Variants in ZZZ3 observed in about 807,000 individuals in gnomAD.
ZZZ3 encodes the protein zinc finger ZZ-type containing 3.
Under a neutral mutation model 95.2 loss-of-function variants are expected in ZZZ3, and 22 were observed. The ratio of observed to expected loss-of-function variants is 0.23; its 90% CI spans 0.17 to 0.33. The LOEUF (loss-of-function observed/expected upper bound fraction) is 0.33. Ranked by LOEUF, ZZZ3 falls within the 10% of genes least tolerant of loss-of-function variation. ZZZ3 has a pLI of 1.00. For synonymous variants in ZZZ3, 335 were observed against 358.9 expected (o/e 0.93, Z 0.75); for missense variants, 885 against 1,066.5 (o/e 0.83, Z 2.37).
At chr1:77,672,240 G>C (rs771981956) in intron 1 of ZZZ3, among the ~76,000 whole-genome samples, 1 of 152,154 alleles carries the variant, frequency 6.6e-6, no homozygotes, top group African/African-American at 2.4e-5. Context: ...TTCCCTGATA[G>C]GTGCCAGGGA....
intron 4 of ZZZ3, among the ~76,000 whole-genome samples, chr1:77,634,603 C>T (rs1307738752): frequency 1.3e-5 from 2 of 152,170 alleles, no homozygotes; most frequent in African/African-American, 4.8e-5. Flanking sequence ...CTCCTGTAAT[C>T]CCACCCTTTC....
chr1:77,640,720 C>T (rs1011257554), intron 3 of ZZZ3, among the ~76,000 whole-genome samples: 4 of 151,866 alleles, frequency 2.6e-5, no homozygotes, highest in African/African-American at 9.7e-5. Flanking sequence ...CAGAAACTGT[C>T]GCTTTATTAT....
At chr1:77,579,203 G>GGCAATGAAACACTAAGGCAAT (rs1662261917) in intron 10 of ZZZ3, among the ~76,000 whole-genome samples, 1 of 151,966 alleles carries the variant, frequency 6.6e-6, no homozygotes, top group Non-Finnish European at 1.5e-5. Flanking sequence ...AAGACAACCA[G>GGCAATGAAACACTAAGGCAAT]GAAACACTAA....
intron 5 of ZZZ3, among the ~76,000 whole-genome samples, chr1:77,612,022 A>C (rs999576777): frequency 1.1e-4 from 16 of 152,196 alleles, no homozygotes; most frequent in African/African-American, 3.9e-4. Flanking sequence ...ACAAACAACA[A>C]AATAAAAAGG....
At position 77,642,612 on chromosome 1, in the gene ZZZ3, C is replaced by T. The variant is rs1423811320; in HGVS notation, c.-402-957G>A. The stretch of plus-strand genomic sequence containing the variant: ...CAAAAAAAAAAAAAATGAAAATTAG[C>T]CAGACGTGGTTGTGTGTGTCTGTAG... On this transcript the variant is annotated intron_variant, in intron 1 of 14. Transcript: ENST00000370801. Among the ~76,000 whole-genome samples the T allele has an allele frequency of 2.6e-5, 4 of 151,900 alleles. No homozygotes were observed. The East Asian group carries it at 5.8e-4, about 22-fold the overall frequency.
chr1:77,594,030 G>T (rs1663975740), intron 5 of ZZZ3, among the ~76,000 whole-genome samples: 1 of 152,108 alleles, frequency 6.6e-6, no homozygotes, highest in East Asian at 1.9e-4. Flanking sequence ...TTTCTGAGTT[G>T]TAAATGGATT....
At chr1:77,600,908 G>C (rs1664669659) in intron 5 of ZZZ3, among the ~76,000 whole-genome samples, 1 of 152,200 alleles carries the variant, frequency 6.6e-6, no homozygotes, top group Non-Finnish European at 1.5e-5. Context: ...ACTCAGACTA[G>C]ACTGAGTTTT....
At chr1:77,583,997 A>T (rs1200880667) in intron 6 of ZZZ3, among the ~76,000 whole-genome samples, 1 of 152,224 alleles carries the variant, frequency 6.6e-6, no homozygotes, top group Non-Finnish European at 1.5e-5. Flanking sequence ...AAAGCATTTT[A>T]AAATTAAGTA....
chr1:77,644,386 A>G (rs1386948601), intron 1 of ZZZ3, among the ~76,000 whole-genome samples: 1 of 152,236 alleles, frequency 6.6e-6, no homozygotes, highest in African/African-American at 2.4e-5. Context: ...TTCCTAGACA[A>G]TTAAGCTTTC....
At chr1:77,570,337 T>A (rs1661254835) in intron 12 of ZZZ3, among the ~76,000 whole-genome samples, 1 of 152,170 alleles carries the variant, frequency 6.6e-6, no homozygotes, top group South Asian at 2.1e-4. Context: ...TCTCCTGACC[T>A]CGTGATCTGC....
chr1:77,658,281 A>C (rs947164210), intron 1 of ZZZ3, among the ~76,000 whole-genome samples: 8 of 151,766 alleles, frequency 5.3e-5, no homozygotes, highest in African/African-American at 1.9e-4. Context: ...ACACACACTT[A>C]ATTTGGCATC....
chr1:77,604,832 C>T (rs1360504105), intron 5 of ZZZ3, among the ~76,000 whole-genome samples: 1 of 152,080 alleles, frequency 6.6e-6, no homozygotes, highest in African/African-American at 2.4e-5. Context: ...TAAAAGAATG[C>T]TTGTCATTGT....
Position 77,564,246 on chromosome 1 carries a change from T to C in ZZZ3, c.*1394A>G, listed in dbSNP as rs1407273317. 1.3e-5 allele frequency: 2 copies of C among 152,150 alleles called. No individual in the cohort carries two copies. The highest frequency in any genetic ancestry group is 2.9e-5 in the Non-Finnish European group (2 of 67,994). The allele number at this position is 152,150 out of a possible 1,614,324, so 9.4% of individuals were successfully genotyped here. A position where few individuals can be genotyped will look rare whatever the true frequency, so the allele number is the denominator to read the frequency against. ...TAATAATTGCCTTTTTCTTTAACCATGGTCCGTGTTTCCTTTTTGTAAGCT... is the reference window on the plus strand; with the variant it reads ...TAATAATTGCCTTTTTCTTTAACCACGGTCCGTGTTTCCTTTTTGTAAGCT... On this transcript the variant is annotated 3_prime_UTR_variant, in exon 15 of 15. Transcript: ENST00000370801.
chr1:77,623,950 C>T (rs1196589610), intron 5 of ZZZ3, among the ~76,000 whole-genome samples: 1 of 152,086 alleles, frequency 6.6e-6, no homozygotes, highest in African/African-American at 2.4e-5. Flanking sequence ...AGAAGTAGAT[C>T]ACAACACAGA....
intron 5 of ZZZ3, among the ~76,000 whole-genome samples, chr1:77,630,286 C>T (rs1344001261): frequency 2.6e-5 from 4 of 151,936 alleles, no homozygotes; most frequent in African/African-American, 9.7e-5. Context: ...CGAGCCTGGG[C>T]ACCATGGTGA....
chr1:77,643,425 G>A (rs1668963647), intron 1 of ZZZ3, among the ~76,000 whole-genome samples: 1 of 152,084 alleles, frequency 6.6e-6, no homozygotes, highest in South Asian at 2.1e-4. Context: ...TTTAACTACA[G>A]TTACTTACTT....
chr1:77,645,826 C>T (rs1187920609), intron 1 of ZZZ3, among the ~76,000 whole-genome samples: 1 of 151,774 alleles, frequency 6.6e-6, no homozygotes, highest in Non-Finnish European at 1.5e-5. Context: ...CAAAATTAGC[C>T]AGGTGTGGTG....
chr1:77,581,057 G>A lies in ZZZ3; in HGVS notation c.1921C>T (p.Arg641Cys), dbSNP rs1408475948. ...TCAGGTTTGGTATCATCACACAAGC[G>A]TCCTCTTATCATCTGCACATAAGAC... is the stretch of plus-strand genomic sequence containing the variant. ...SSSRPQMIRG[R>C]LCDDTKPETF... The change falls in exon 9 of 15, where the codon CGC (arginine) becomes TGC (cysteine). Residue 641 changes from arginine (R) to cysteine (C), a missense_variant. Arg to Cys is a radical substitution (Grantham distance 180, BLOSUM62 -3). Around this residue, in one of 5 missense-constraint regions of ZZZ3, gnomAD observed 99 missense variants for 119.8 expected, o/e 0.83. Coordinates refer to ENST00000370801, the MANE Select transcript of ZZZ3 (RefSeq NM_015534.6). 5 of 1,613,920 alleles carry A rather than the reference G, an allele frequency of 3.1e-6. No individual in the cohort carries two copies. The highest frequency in any genetic ancestry group is 2.2e-5 in the East Asian group (1 of 44,878).
chr1:77,580,856 CTT>C, intron 9 of ZZZ3, 140 bp downstream of exon 9: 4 of 665,294 alleles, frequency 6.0e-6, no homozygotes, highest in Non-Finnish European at 1.1e-5. Flanking sequence ...GAACTCCTGA[CTT>C]CAAGTGATCC....
Sources: allele counts gnomAD v4.1 joint callset (sites outside exome capture counted in the v4.1 genomes callset), GRCh38; gene constraint gnomAD v4.1.1; regional missense constraint gnomAD v4.1.1; transcripts MANE v1.5; gene names NCBI Gene and HGNC (gene_info 2026-07-23, HGNC 2026-07-21).